Variants in KCNK1 observed in about 807,000 individuals in gnomAD.
KCNK1 encodes potassium channel subfamily K member 1.
In KCNK1, 10 loss-of-function variants were observed where a neutral mutation model predicts 22.2. That is an observed-to-expected ratio of 0.45 (90% CI 0.28 to 0.76). The LOEUF is 0.76. Among genes scored for constraint, KCNK1 ranks in the 30% least tolerant of loss-of-function variants. KCNK1 has a pLI of 0.14. For synonymous variants in KCNK1, 200 were observed against 186.4 expected, an observed-to-expected ratio of 1.07 and a Z score of -0.60; for missense variants, 378 against 421.0, an observed-to-expected ratio of 0.90 and a Z score of 0.89.
At position 233,639,854 on chromosome 1, in the gene KCNK1, C is replaced by T. The variant is rs188591973; in HGVS notation, c.355+25328C>T. 7.2e-5 allele frequency among the ~76,000 whole-genome samples: 11 copies of T among 152,312 alleles called. No homozygotes were observed. In the East Asian group the frequency reaches 1.9e-3, roughly 27 times the overall value. On this transcript the variant is annotated intron_variant, in intron 1 of 2. Coordinates refer to ENST00000366621, the MANE Select transcript of KCNK1 (RefSeq NM_002245.4). ...CTGGTTCCTTCTTACACATGAGCCA[C>T]GTCAGAACACACCTGGTGGGACTCC...
In KCNK1 at chr1:233,620,392, G is replaced by A. The variant is rs147676940; in HGVS notation, c.355+5866G>A. 1.7e-3 allele frequency among the ~76,000 whole-genome samples: 262 copies of A among 152,288 alleles called. 1 individual carries two copies. The highest frequency in any genetic ancestry group is 6.8e-3 in the Middle Eastern group (2 of 294). On this transcript the variant is annotated intron_variant, in intron 1 of 2. Transcript: ENST00000366621. ...AAAGTTCAGCTTCTCAGACTTCTTT[G>A]TGCTGTTGTTCTAAGTGGTATGCAA...
intron 2 of KCNK1, 112 bp downstream of exon 2, chr1:233,667,102 G>C: frequency 1.1e-6 from 1 of 884,822 alleles, no homozygotes; most frequent in South Asian, 3.5e-5. Flanking sequence ...GGAGTGCAGT[G>C]GTGCGATCTT....
chr1:233,638,023 C>T (rs764894017), intron 1 of KCNK1, among the ~76,000 whole-genome samples: 8 of 151,304 alleles, frequency 5.3e-5, no homozygotes, highest in Non-Finnish European at 5.9e-5. Flanking sequence ...CAGGGTTGTC[C>T]TCTCCTGCTT....
chr1:233,667,557 C>G (rs1237445279), intron 2 of KCNK1, among the ~76,000 whole-genome samples: 1 of 151,462 alleles, frequency 6.6e-6, no homozygotes, highest in Non-Finnish European at 1.5e-5. Context: ...GGTGAAACCC[C>G]GTCTGTACTA....
At chr1:233,626,889 A>G (rs485755) in intron 1 of KCNK1, among the ~76,000 whole-genome samples, 8,974 of 152,272 alleles carry the variant, frequency 0.059, 372 homozygotes, top group Non-Finnish European at 0.08. Flanking sequence ...TATATTTTAT[A>G]TAATTCAAAG....
At chr1:233,620,474 A>T (rs1211226677) in intron 1 of KCNK1, among the ~76,000 whole-genome samples, 1 of 152,206 alleles carries the variant, frequency 6.6e-6, no homozygotes, top group Non-Finnish European at 1.5e-5. Flanking sequence ...TTTATTTCAG[A>T]TGCCACTTAC....
Position 233,626,241 on chromosome 1 carries a change from AAAG to A in KCNK1, c.355+11720_355+11722del, listed in dbSNP as rs531033025. Among the ~76,000 whole-genome samples, 20 of 152,196 alleles carry A rather than the reference AAAG, an allele frequency of 1.3e-4. No homozygotes were observed. In the East Asian group the frequency reaches 3.9e-3, roughly 29 times the overall value. ...ATGGATTGGATGTGAGGGGTAAAAG[AAAG>A]AAGAGTGAAGAATGACCCCCGGGTT... On this transcript the variant is annotated intron_variant, in intron 1 of 2. Coordinates refer to ENST00000366621, the MANE Select transcript of KCNK1 (RefSeq NM_002245.4).
intron 1 of KCNK1, among the ~76,000 whole-genome samples, chr1:233,664,048 T>C (rs1658448031): frequency 6.6e-6 from 1 of 152,130 alleles, no homozygotes; most frequent in South Asian, 2.1e-4. Flanking sequence ...GCCAGGCTAG[T>C]CTCAAACTCC....
In KCNK1 at chr1:233,671,344, A is replaced by G. The variant is rs1187689436; in HGVS notation, c.825A>G (p.Lys275=). Residue 275 remains lysine (K), a synonymous_variant, in exon 3 of 3, where the codon AAA becomes AAG. Transcript: ENST00000366621. ...TCTGTGAACTCCATGAGCTGAAAAA[A>G]TTCAGAAAAATGTTCTATGTGAAGA... ...ETFCELHELK[K]FRKMFYVKKD... 13 of 1,614,204 alleles carry G rather than the reference A, an allele frequency of 8.1e-6. No individual in the cohort carries two copies. The highest frequency in any genetic ancestry group is 1.1e-5 in the South Asian group (1 of 91,082).
In KCNK1 at chr1:233,614,519, C is replaced by A; in HGVS notation, c.348C>A (p.Ser116=). 1 of 1,592,466 alleles carries A rather than the reference C, an allele frequency of 6.3e-7. No individual in the cohort carries two copies. Among genetic ancestry groups the A allele is most frequent in the East Asian group, 2.3e-5 (1 of 43,836 alleles). Residue 116 remains serine (S), a synonymous_variant, in exon 1 of 3, where the codon TCC becomes TCA. Coordinates refer to ENST00000366621, the MANE Select transcript of KCNK1 (RefSeq NM_002245.4). ...SALFFASTVL[S]TTGYGHTVPL... The stretch of plus-strand genomic sequence containing the variant: ...TCTTCTTCGCCAGCACCGTGCTCTC[C>A]ACCACAGGTAGGGTATCCTGCGCGC...
At chr1:233,652,985 C>A (rs1480852593) in intron 1 of KCNK1, among the ~76,000 whole-genome samples, 1 of 152,192 alleles carries the variant, frequency 6.6e-6, no homozygotes, top group Non-Finnish European at 1.5e-5. Context: ...TGTGAGCATG[C>A]CTTTCCTATG....
At position 233,666,712 on chromosome 1, in the gene KCNK1, T is replaced by C. The variant is rs747833832; in HGVS notation, c.473T>C (p.Val158Ala). Reference protein sequence around the residue: ...FLTAVVQRITVHVTRRPVLYF... With the variant: ...FLTAVVQRITAHVTRRPVLYF... ...ACGGCTGTGGTCCAGCGCATCACCG[T>C]GCACGTCACCCGCAGGCCGGTCCTC... Residue 158 changes from valine to alanine, a missense_variant, in exon 2 of 3, where the codon GTG becomes GCG. Coordinates refer to ENST00000366621, the MANE Select transcript of KCNK1 (RefSeq NM_002245.4). 2 of 1,614,166 alleles carry C rather than the reference T, an allele frequency of 1.2e-6. No individual in the cohort carries two copies. Among genetic ancestry groups the C allele is most frequent in the Admixed American group, 3.3e-5 (2 of 60,016 alleles).
chr1:233,628,828 A>G (rs1475453622), intron 1 of KCNK1, among the ~76,000 whole-genome samples: 3 of 151,788 alleles, frequency 2.0e-5, no homozygotes, highest in Non-Finnish European at 2.9e-5. Context: ...AGAATCATGA[A>G]TTATTTTTAG....
At position 233,655,249 on chromosome 1, in the gene KCNK1, C is replaced by T. The variant is rs573242409; in HGVS notation, c.356-11346C>T. Among the ~76,000 whole-genome samples, 18 of 152,310 alleles carry T rather than the reference C, an allele frequency of 1.2e-4. 1 individual carries two copies. In the South Asian group the frequency reaches 3.7e-3, roughly 32 times the overall value. On this transcript the variant is annotated intron_variant, in intron 1 of 2. Coordinates refer to ENST00000366621, the MANE Select transcript of KCNK1 (RefSeq NM_002245.4). ...TTTCTTTCTTTTGAAATGGAAATGT[C>T]TATTCTATGCCTGTCCCACCATTGT... is the stretch of plus-strand genomic sequence containing the variant.
rs1363548215 is a variant in KCNK1 at position 233,652,000 on chromosome 1, A to G, written c.356-14595A>G. Among the ~76,000 whole-genome samples the G allele has an allele frequency of 9.8e-5, 15 of 152,342 alleles. No homozygotes were observed. In the East Asian group the frequency reaches 2.9e-3, roughly 29 times the overall value. ...ATTTAGATTAGACCAAAGGTGAACA[A>G]AGGTGATGAGGCAACAAAGGTAGCC... On this transcript the variant is annotated intron_variant, in intron 1 of 2. Transcript: ENST00000366621.
At chr1:233,654,078 A>C (rs1208588148) in intron 1 of KCNK1, among the ~76,000 whole-genome samples, 1 of 152,166 alleles carries the variant, frequency 6.6e-6, no homozygotes, top group Non-Finnish European at 1.5e-5. Flanking sequence ...ATCCTCCTAG[A>C]AAATACCTAA....
At chr1:233,638,992 T>C (rs915717535) in intron 1 of KCNK1, among the ~76,000 whole-genome samples, 1 of 152,202 alleles carries the variant, frequency 6.6e-6, no homozygotes, top group African/African-American at 2.4e-5. Flanking sequence ...TAGGGATGAT[T>C]AGGTTCCTCT....
intron 2 of KCNK1, among the ~76,000 whole-genome samples, chr1:233,667,582 T>C (rs1019686149): frequency 2.6e-5 from 4 of 151,306 alleles, no homozygotes; most frequent in Non-Finnish European, 5.9e-5. Flanking sequence ...TACAAAAAAT[T>C]AGCCGGGCGT....
At chr1:233,618,551 C>T (rs1470510139) in intron 1 of KCNK1, among the ~76,000 whole-genome samples, 3 of 152,026 alleles carry the variant, frequency 2.0e-5, no homozygotes, top group East Asian at 1.9e-4. Context: ...TTATTCATTC[C>T]CCAAAGCAAG....
Sources: gnomAD v4.1 joint callset for allele counts (sites outside exome capture counted in the v4.1 genomes callset) on GRCh38, gnomAD v4.1.1 for gene constraint, MANE v1.5 for transcripts, NCBI Gene and HGNC (gene_info 2026-07-23, HGNC 2026-07-21) for gene names.